Variants in PRKCA observed in about 807,000 individuals in gnomAD.
The protein encoded by PRKCA is protein kinase C alpha type.
A neutral mutation model predicts 87.0 loss-of-function variants in PRKCA; 27 were observed. That is an observed-to-expected ratio of 0.31 (90% confidence interval 0.23 to 0.43). The LOEUF (loss-of-function observed/expected upper bound fraction) is 0.43, where lower values mean the gene tolerates loss of function less well. Among genes scored for constraint, PRKCA ranks in the 20% least tolerant of loss-of-function variants. PRKCA has a pLI of 1.00. For synonymous variants in PRKCA, 329 were observed against 311.1 expected, an observed-to-expected ratio of 1.06 and a Z score of -0.61; for missense variants, 518 against 852.3, an observed-to-expected ratio of 0.61 and a Z score of 4.88.
intron 2 of PRKCA, among the ~76,000 whole-genome samples, chr17:66,351,725 C>A (rs1907758490): frequency 6.6e-6 from 1 of 152,086 alleles, no homozygotes; most frequent in South Asian, 2.1e-4. Context: ...CTACTCAAAC[C>A]AGCGTAAACC....
intron 2 of PRKCA, among the ~76,000 whole-genome samples, chr17:66,336,645 A>G (rs1467056375): frequency 7.6e-6 from 1 of 131,900 alleles, no homozygotes; most frequent in Non-Finnish European, 1.5e-5. Context: ...TATATAGTAA[A>G]TTATTAAACA....
chr17:66,579,268 G>A (rs189097893), intron 3 of PRKCA, among the ~76,000 whole-genome samples: 3 of 152,296 alleles, frequency 2.0e-5, no homozygotes, highest in East Asian at 1.9e-4. Context: ...CAGGAAGGAA[G>A]CAGACCAGGG....
intron 3 of PRKCA, among the ~76,000 whole-genome samples, chr17:66,634,633 C>A (rs1426601472): frequency 6.6e-6 from 1 of 152,154 alleles, no homozygotes. Context: ...TTAGTAGTTG[C>A]TTTCATACAC....
chr17:66,591,222 G>C (rs180800031), intron 3 of PRKCA, among the ~76,000 whole-genome samples: 2 of 151,988 alleles, frequency 1.3e-5, no homozygotes, highest in African/African-American at 4.8e-5. Context: ...GCATGATCAG[G>C]GCTCGCTGTA....
chr17:66,306,391 G>A (rs1247640130), intron 2 of PRKCA: 1 of 363,122 alleles, frequency 2.8e-6, no homozygotes, highest in East Asian at 4.7e-5. Context: ...GTCAGAAACT[G>A]CTGTCTTTGT....
chr17:66,375,409 A>T (rs1336792855), intron 2 of PRKCA, among the ~76,000 whole-genome samples: 1 of 152,170 alleles, frequency 6.6e-6, no homozygotes, highest in Non-Finnish European at 1.5e-5. Flanking sequence ...TGGGCTGTAT[A>T]GTGATGGATG....
chr17:66,517,015 G>A (rs140649957), intron 3 of PRKCA, among the ~76,000 whole-genome samples: 192 of 152,278 alleles, frequency 1.3e-3, no homozygotes, highest in African/African-American at 4.4e-3. Context: ...GAATTGGCCG[G>A]TGGTTCACGC....
At chr17:66,409,357 A>G in intron 2 of PRKCA, among the ~76,000 whole-genome samples, 1 of 151,986 alleles carries the variant, frequency 6.6e-6, no homozygotes, top group East Asian at 1.9e-4. Flanking sequence ...GGCAGGTGAC[A>G]CCTCCTTGTC....
chr17:66,605,282 A>G (rs1199233082), intron 3 of PRKCA, among the ~76,000 whole-genome samples: 1 of 152,148 alleles, frequency 6.6e-6, no homozygotes, highest in Non-Finnish European at 1.5e-5. Flanking sequence ...TGGTCACTCA[A>G]CTCATAAGTG....
intron 13 of PRKCA, among the ~76,000 whole-genome samples, chr17:66,762,873 C>T (rs1399257169): frequency 6.6e-6 from 1 of 152,224 alleles, no homozygotes; most frequent in African/African-American, 2.4e-5. Context: ...TCCCTGCAAC[C>T]TCTACCTCCC....
intron 3 of PRKCA, among the ~76,000 whole-genome samples, chr17:66,636,129 A>G (rs1971145932): frequency 6.6e-6 from 1 of 152,176 alleles, no homozygotes; most frequent in South Asian, 2.1e-4. Flanking sequence ...CAGATGAGGA[A>G]ATCAGGGCCC....
chr17:66,496,014 A>G (rs1916460982), intron 2 of PRKCA, among the ~76,000 whole-genome samples, 187 bp from the exon 3 acceptor site: 1 of 152,162 alleles, frequency 6.6e-6, no homozygotes, highest in African/African-American at 2.4e-5. Context: ...GGACTCTGTT[A>G]TCTATGAGTC....
intron 2 of PRKCA, among the ~76,000 whole-genome samples, chr17:66,383,058 A>ATTATTTTATTTCCACATTAT (rs1555595513): frequency 5.3e-5 from 8 of 152,134 alleles, no homozygotes; most frequent in African/African-American, 1.2e-4. Context: ...ATTATATCCT[A>ATTATTTTATTTCCACATTAT]ACAGAGTAAT....
intron 3 of PRKCA, among the ~76,000 whole-genome samples, chr17:66,496,828 G>C (rs1916497140): frequency 6.6e-6 from 1 of 152,128 alleles, no homozygotes; most frequent in African/African-American, 2.4e-5. Context: ...ATTTTTAGTA[G>C]AGATGGGGTT....
chr17:66,697,309 A>G (rs953239376), intron 8 of PRKCA, among the ~76,000 whole-genome samples: 2 of 152,234 alleles, frequency 1.3e-5, no homozygotes, highest in African/African-American at 2.4e-5. Context: ...AGGAGCTTTC[A>G]CCATCATTCC....
intron 13 of PRKCA, among the ~76,000 whole-genome samples, chr17:66,758,323 C>T (rs1974604829): frequency 6.6e-6 from 1 of 152,212 alleles, no homozygotes; most frequent in Non-Finnish European, 1.5e-5. Context: ...GTGGTTACTT[C>T]ACACACCATC....
chr17:66,685,191 CCAT>C (rs1174763390), intron 5 of PRKCA, among the ~76,000 whole-genome samples: 2 of 152,132 alleles, frequency 1.3e-5, no homozygotes, highest in Admixed American at 6.5e-5. Flanking sequence ...AAGCCCCCAA[CCAT>C]GTAAGGTATT....
intron 6 of PRKCA, 72 bp downstream of exon 6, chr17:66,687,339 A>G (rs1207700835): frequency 8.1e-6 from 12 of 1,486,060 alleles, no homozygotes; most frequent in African/African-American, 5.6e-5. Flanking sequence ...ATTTGAGGTA[A>G]TGAAGTAGGT....
intron 2 of PRKCA, among the ~76,000 whole-genome samples, chr17:66,460,813 CCTA>C (rs1359415943): frequency 6.6e-6 from 1 of 152,130 alleles, no homozygotes. Context: ...TGTCCCAGCT[CCTA>C]CCCCAGAGGT....
Sources: allele counts gnomAD v4.1 joint callset (sites outside exome capture counted in the v4.1 genomes callset), GRCh38; gene constraint gnomAD v4.1.1; transcripts MANE v1.5; gene names NCBI Gene and HGNC (gene_info 2026-07-23, HGNC 2026-07-21).